The following BRWD3 variants were observed in gnomAD, a reference collection of about 807,000 sequenced individuals.
BRWD3 encodes the protein bromodomain and WD repeat domain containing 3.
BRWD3 carries 10 observed loss-of-function variants against 149.7 expected under a neutral mutation model. The ratio of observed to expected loss-of-function variants is 0.07; its 90% CI spans 0.04 to 0.11. The LOEUF (loss-of-function observed/expected upper bound fraction) is 0.11, where lower values mean the gene tolerates loss of function less well. BRWD3 is among the 10% of genes least tolerant of loss of function. The pLI is 1.00. For synonymous variants in BRWD3, 504 were observed against 456.7 expected (o/e 1.10, Z -1.32); for missense variants, 940 against 1,373.2 (o/e 0.68, Z 4.99).
rs2074394074 is a variant in BRWD3, at chrX:80,809,790, A to AGAGAGAGAGAGAGAGAGAGAGG, written c.-320_-319insCCTCTCTCTCTCTCTCTCTCTC. On this transcript the variant is annotated 5_prime_UTR_variant, in exon 1 of 41. Transcript: ENST00000373275. ...GAGAGAGAGAGAGAGAGAGAGAGAG[A>AGAGAGAGAGAGAGAGAGAGAGG]GAGAGAGAGAGAGACGCGGGGGGTG... 1.3e-5 allele frequency: 1 copy of AGAGAGAGAGAGAGAGAGAGAGG among 78,523 alleles called. No homozygotes were observed. The highest frequency in any genetic ancestry group is 2.3e-5 in the Non-Finnish European group (1 of 43,761). 6.5% of individuals were successfully genotyped at this position (78,523 alleles called of 1,213,427 possible). A position where few individuals can be genotyped will look rare whatever the true frequency, so the allele number is the denominator to read the frequency against.
At chrX:80,710,538 A>G in intron 20 of BRWD3, 1 of 425,396 alleles carries the variant, frequency 2.4e-6, no homozygotes, top group Non-Finnish European at 4.4e-6. Flanking sequence ...TAACTACAAA[A>G]ATGTTTCCAT....
chrX:80,767,150 T>C (rs1175817296), intron 6 of BRWD3, among the ~76,000 whole-genome samples: 3 of 111,821 alleles, frequency 2.7e-5, no homozygotes, highest in Non-Finnish European at 5.7e-5. Context: ...AGCAAGAAAC[T>C]TCTGCACAGG....
Position 80,691,192 on chromosome X carries a change from C to T in BRWD3, c.3482-19G>A, listed in dbSNP as rs371870737. On this transcript the variant is annotated intron_variant, in intron 30 of 40. Coordinates refer to ENST00000373275, the MANE Select transcript of BRWD3 (RefSeq NM_153252.5). Reference sequence around the variant, plus strand: ...GCAAAATCTACAAAATTATGAAAATCAAATAAGGTAGCTATAAAGGACATT... The same window carrying T: ...GCAAAATCTACAAAATTATGAAAATTAAATAAGGTAGCTATAAAGGACATT... The T allele has an allele frequency of 1.3e-4, 156 of 1,198,484 alleles. No homozygotes were observed. Among genetic ancestry groups the T allele is most frequent in the Non-Finnish European group, 1.7e-4 (151 of 886,339 alleles).
intron 6 of BRWD3, among the ~76,000 whole-genome samples, chrX:80,778,958 C>T (rs770688493): frequency 3.6e-5 from 4 of 111,909 alleles, no homozygotes; most frequent in Non-Finnish European, 5.6e-5. Context: ...AAGATGGTGC[C>T]ATTGCACTCC....
At chrX:80,790,451 C>T (rs750536206) in intron 6 of BRWD3, among the ~76,000 whole-genome samples, 23 of 110,891 alleles carry the variant, frequency 2.1e-4, no homozygotes, top group Non-Finnish European at 4.1e-4. Context: ...ATCGAATTGC[C>T]TCTGTTCTAA....
At position 80,690,025 on chromosome X, in the gene BRWD3, C is replaced by T; in HGVS notation, c.3670G>A (p.Asp1224Asn). Reference sequence around the variant, plus strand: ...TTAGCTGCTTTAACTATAGGACTGTCTGGCTCATTGAAAGTCCTGGCATTA... The same window carrying T: ...TTAGCTGCTTTAACTATAGGACTGTTTGGCTCATTGAAAGTCCTGGCATTA... ...EHNARTFNEPDSPIVKAAKIV... is the reference protein window; with the variant it reads ...EHNARTFNEPNSPIVKAAKIV... Residue 1224 changes from aspartate (D) to asparagine (N), a missense_variant, in exon 32 of 41, where the codon GAC becomes AAC. Transcript: ENST00000373275. 4 of 1,207,827 alleles carry T rather than the reference C, an allele frequency of 3.3e-6. No individual in the cohort carries two copies. The highest frequency in any genetic ancestry group is 4.5e-6 in the Non-Finnish European group (4 of 892,284).
chrX:80,707,499 T>C lies in BRWD3; in HGVS notation c.2480A>G (p.Asp827Gly). ...AGCGTCACTTGTGCCAACAGTTTCATCTTCCTACAACAAAGAGCCAGCAAT... is the reference window on the plus strand; with the variant it reads ...AGCGTCACTTGTGCCAACAGTTTCACCTTCCTACAACAAAGAGCCAGCAAT... ...QEDSDSSSEE[D>G]ETVGTSDASV... Residue 827 changes from aspartate (D) to glycine (G), a missense_variant, in exon 22 of 41, where the codon GAT becomes GGT. Transcript: ENST00000373275. The C allele has an allele frequency of 8.3e-7, 1 of 1,210,113 alleles. No homozygotes were observed.
chrX:80,685,637 G>A (rs2072510818), intron 35 of BRWD3, 101 bp from the exon 36 acceptor site: 2 of 625,689 alleles, frequency 3.2e-6, no homozygotes, highest in Admixed American at 5.4e-5. Context: ...CCATACACTG[G>A]AATCATGTTT....
At chrX:80,725,953 TATAACACATAAC>T (rs1356373842) in intron 14 of BRWD3, among the ~76,000 whole-genome samples, 2 of 111,206 alleles carry the variant, frequency 1.8e-5, no homozygotes, top group African/African-American at 6.5e-5. Context: ...TACATGTCTA[TATAACACATAAC>T]ATGTTTACAT....
chrX:80,746,261 AT>A (rs1479025398), intron 6 of BRWD3, among the ~76,000 whole-genome samples: 1 of 110,915 alleles, frequency 9.0e-6, no homozygotes, highest in Non-Finnish European at 1.9e-5. Flanking sequence ...CAAATATTTT[AT>A]GTTACAAACA....
chrX:80,731,894 CAAAAAA>C (rs760738184), intron 12 of BRWD3, among the ~76,000 whole-genome samples: 1 of 22,936 alleles, frequency 4.4e-5, no homozygotes, highest in Non-Finnish European at 8.0e-5. Context: ...GACTCTGTCT[CAAAAAA>C]AAAAAAAAAA....
At chrX:80,793,035 G>A (rs971605866) in intron 5 of BRWD3, among the ~76,000 whole-genome samples, 1 of 107,094 alleles carries the variant, frequency 9.3e-6, no homozygotes, top group Non-Finnish European at 1.9e-5. Context: ...GGTGGCACGC[G>A]CCTGTAGTCC....
chrX:80,676,895 C>G lies in BRWD3; in HGVS notation c.5123G>C (p.Gly1708Ala). The G allele has an allele frequency of 8.3e-7, 1 of 1,209,275 alleles. No homozygotes were observed. Among genetic ancestry groups the G allele is most frequent in the Non-Finnish European group, 1.1e-6 (1 of 893,837 alleles). ...GRGGGGTRGR[G>A]RGRGGRGASR... is the part of the protein sequence containing the mutation. ...AGCACCTCTTCCTCCTCTCCCTCTTCCCCTCCCCCTAGTGCCACCTCCACC... is the reference window on the plus strand; with the variant it reads ...AGCACCTCTTCCTCCTCTCCCTCTTGCCCTCCCCCTAGTGCCACCTCCACC... Residue 1708 changes from glycine to alanine, a missense_variant, in exon 41 of 41, where the codon GGA becomes GCA. Physicochemically the swap from Gly to Ala is moderately conservative, Grantham distance 60. Transcript: ENST00000373275.
chrX:80,748,125 G>T (rs2073618501), intron 6 of BRWD3, among the ~76,000 whole-genome samples: 2 of 111,652 alleles, frequency 1.8e-5, no homozygotes, highest in South Asian at 7.6e-4. Context: ...TTACAGGCAT[G>T]AGCCACCATG....
At chrX:80,806,400 T>C (rs1489332497) in intron 4 of BRWD3, among the ~76,000 whole-genome samples, 1 of 111,899 alleles carries the variant, frequency 8.9e-6, no homozygotes, top group Non-Finnish European at 1.9e-5. Flanking sequence ...TGCCATCTAT[T>C]AAATATTAAA....
chrX:80,779,218 G>C lies in BRWD3; in HGVS notation c.430+12636C>G, dbSNP rs1183277522. Among the ~76,000 whole-genome samples, 3 of 111,027 alleles carry C rather than the reference G, an allele frequency of 2.7e-5. No homozygotes were observed. In the East Asian group the frequency reaches 8.6e-4, roughly 32 times the overall value. ...CAATCCCAGCTACTCAGGAGGCTAA[G>C]GCAGGAGAATCGCTTGAACCCAGGA... On this transcript the variant is annotated intron_variant, in intron 6 of 40. Coordinates refer to ENST00000373275, the MANE Select transcript of BRWD3 (RefSeq NM_153252.5).
chrX:80,728,613 A>G, intron 14 of BRWD3, 139 bp downstream of exon 14: 1 of 514,139 alleles, frequency 1.9e-6, no homozygotes, highest in Non-Finnish European at 3.2e-6. Flanking sequence ...CAGATATGTC[A>G]ACAGAGCCCT....
chrX:80,706,148 G>A (rs532622419), intron 22 of BRWD3, among the ~76,000 whole-genome samples: 68 of 108,967 alleles, frequency 6.2e-4, no homozygotes, highest in Non-Finnish European at 9.1e-4. Context: ...CACTCTTGTC[G>A]CACAGGCTGG....
chrX:80,775,543 G>T (rs1353176126), intron 6 of BRWD3, among the ~76,000 whole-genome samples: 2 of 111,791 alleles, frequency 1.8e-5, no homozygotes, highest in Non-Finnish European at 3.8e-5. Flanking sequence ...GCAAGTGACA[G>T]CAAATATGTG....
Sources: allele counts gnomAD v4.1 joint callset (sites outside exome capture counted in the v4.1 genomes callset), GRCh38; gene constraint gnomAD v4.1.1; transcripts MANE v1.5; gene names NCBI Gene and HGNC (gene_info 2026-07-23, HGNC 2026-07-21).